Variants in MB21D2 observed in about 807,000 individuals in gnomAD.
MB21D2 encodes nucleotidyltransferase MB21D2.
Under a neutral mutation model 33.3 loss-of-function variants are expected in MB21D2, and 9 were observed. The ratio of observed to expected loss-of-function variants is 0.27; its 90% CI spans 0.16 to 0.47. The LOEUF (loss-of-function observed/expected upper bound fraction) is 0.47, where lower values mean the gene tolerates loss of function less well. MB21D2 is among the 20% of genes least tolerant of loss of function. The probability of loss-of-function intolerance (pLI) is 0.99; values close to 1 mark genes in which losing one functional copy is unlikely to be tolerated. For missense variants in MB21D2, 540 were observed against 624.6 expected, an observed-to-expected ratio of 0.86 and a Z score of 1.44; for synonymous variants, 241 against 236.3, an observed-to-expected ratio of 1.02 and a Z score of -0.18.
chr3:192,856,005 C>T (rs548414008), intron 1 of MB21D2, among the ~76,000 whole-genome samples: 2 of 151,810 alleles, frequency 1.3e-5, no homozygotes, highest in Admixed American at 6.5e-5. Context: ...TGCAGTGAGC[C>T]GAGATCGTAC....
At chr3:192,905,870 T>C (rs946970771) in intron 1 of MB21D2, among the ~76,000 whole-genome samples, 5 of 152,064 alleles carry the variant, frequency 3.3e-5, no homozygotes, top group African/African-American at 9.6e-5. Flanking sequence ...AAGAAAAGTA[T>C]TGTAATATGA....
chr3:192,869,736 A>C (rs945111333), intron 1 of MB21D2, among the ~76,000 whole-genome samples: 1 of 152,194 alleles, frequency 6.6e-6, no homozygotes, highest in Non-Finnish European at 1.5e-5. Context: ...GGAAGGAAGC[A>C]TATCTGCCAT....
intron 1 of MB21D2, among the ~76,000 whole-genome samples, chr3:192,878,108 T>TTG (rs1713479897): frequency 6.8e-6 from 1 of 146,128 alleles, no homozygotes; most frequent in South Asian, 2.1e-4. Context: ...TTTTGGTTTT[T>TTG]TTTGTTTTTG....
At chr3:192,808,813 G>A (rs1711720264) in intron 1 of MB21D2, among the ~76,000 whole-genome samples, 1 of 152,172 alleles carries the variant, frequency 6.6e-6, no homozygotes, top group African/African-American at 2.4e-5. Flanking sequence ...TTCTCATCTG[G>A]CCTACTCTAT....
At chr3:192,879,280 G>A (rs1713508819) in intron 1 of MB21D2, among the ~76,000 whole-genome samples, 3 of 152,356 alleles carry the variant, frequency 2.0e-5, no homozygotes, top group South Asian at 2.1e-4. Flanking sequence ...GACAGCACCT[G>A]TGGCTCTCTT....
intron 1 of MB21D2, among the ~76,000 whole-genome samples, chr3:192,901,631 A>G (rs1239445270): frequency 6.6e-6 from 1 of 152,174 alleles, no homozygotes; most frequent in Non-Finnish European, 1.5e-5. Flanking sequence ...CTCGGAAAGC[A>G]GGAAAGCTGG....
intron 1 of MB21D2, among the ~76,000 whole-genome samples, chr3:192,805,260 AAAG>A (rs1330410282): frequency 6.6e-6 from 1 of 152,202 alleles, no homozygotes; most frequent in Non-Finnish European, 1.5e-5. Context: ...CATTTATCAT[AAAG>A]AAGAATGGGC....
At chr3:192,912,292 CA>C (rs1714374295) in intron 1 of MB21D2, among the ~76,000 whole-genome samples, 3 of 152,252 alleles carry the variant, frequency 2.0e-5, no homozygotes, top group Non-Finnish European at 4.4e-5. Context: ...GATTGGCAAA[CA>C]CTATTACATT....
At chr3:192,814,173 G>T (rs1711857552) in intron 1 of MB21D2, among the ~76,000 whole-genome samples, 2 of 152,214 alleles carry the variant, frequency 1.3e-5, no homozygotes, top group Non-Finnish European at 1.5e-5. Context: ...ATAAGTCTTA[G>T]AAGTATTTCC....
At chr3:192,847,506 C>T (rs1275673771) in intron 1 of MB21D2, among the ~76,000 whole-genome samples, 2 of 152,166 alleles carry the variant, frequency 1.3e-5, no homozygotes, top group African/African-American at 4.8e-5. Flanking sequence ...ATGATCAACT[C>T]ACATGAAACA....
intron 1 of MB21D2, among the ~76,000 whole-genome samples, chr3:192,813,252 A>C (rs1711830799): frequency 6.6e-6 from 1 of 151,762 alleles, no homozygotes; most frequent in Non-Finnish European, 1.5e-5. Flanking sequence ...ATGCATATTC[A>C]GGAGCTCTTT....
At chr3:192,896,497 T>G (rs1253259360) in intron 1 of MB21D2, among the ~76,000 whole-genome samples, 1 of 152,136 alleles carries the variant, frequency 6.6e-6, no homozygotes, top group Non-Finnish European at 1.5e-5. Context: ...GAACAACAGG[T>G]GCATGCCACC....
rs547261438 is a variant in MB21D2 at position 192,917,133 on chromosome 3, C to T, written c.211+497G>A. 2.0e-5 allele frequency among the ~76,000 whole-genome samples: 3 copies of T among 152,326 alleles called. No homozygotes were observed. The East Asian group carries it at 5.8e-4, about 29-fold the overall frequency. On this transcript the variant is annotated intron_variant, in intron 1 of 1. Transcript: ENST00000392452. Reference sequence around the variant, plus strand: ...GGCATGACAGCGCCGCGCCGCGAGACGACAGAAGCAACTTGTCGCTCGGGC... The same window carrying T: ...GGCATGACAGCGCCGCGCCGCGAGATGACAGAAGCAACTTGTCGCTCGGGC...
At chr3:192,899,255 G>A (rs181416136) in intron 1 of MB21D2, among the ~76,000 whole-genome samples, 24 of 152,250 alleles carry the variant, frequency 1.6e-4, no homozygotes, top group African/African-American at 5.3e-4. Flanking sequence ...ACAGCCAGGC[G>A]CGGTGGCTCA....
chr3:192,812,686 A>C (rs1711814585), intron 1 of MB21D2, among the ~76,000 whole-genome samples: 1 of 152,158 alleles, frequency 6.6e-6, no homozygotes, highest in Non-Finnish European at 1.5e-5. Flanking sequence ...GTAACTACAC[A>C]GACACGTCTC....
intron 1 of MB21D2, among the ~76,000 whole-genome samples, chr3:192,887,699 T>A (rs1381489223): frequency 6.6e-6 from 1 of 152,052 alleles, no homozygotes; most frequent in Non-Finnish European, 1.5e-5. Flanking sequence ...ACAAAAAATA[T>A]TTTTTCCCTT....
At chr3:192,913,369 G>C (rs1174714352) in intron 1 of MB21D2, among the ~76,000 whole-genome samples, 1 of 152,182 alleles carries the variant, frequency 6.6e-6, no homozygotes, top group East Asian at 1.9e-4. Flanking sequence ...CTGCACTCTA[G>C]CCTAGGTGAC....
chr3:192,889,200 A>G (rs1032776225), intron 1 of MB21D2, among the ~76,000 whole-genome samples: 3 of 152,162 alleles, frequency 2.0e-5, no homozygotes, highest in Admixed American at 6.5e-5. Flanking sequence ...CCCTTCTGAC[A>G]AAAGGGTTAA....
chr3:192,883,350 T>C (rs934763015), intron 1 of MB21D2, among the ~76,000 whole-genome samples: 1 of 152,134 alleles, frequency 6.6e-6, no homozygotes. Context: ...TAAAACTTTT[T>C]AAAAATTATC....
Sources: allele counts gnomAD v4.1 joint callset (sites outside exome capture counted in the v4.1 genomes callset), GRCh38; gene constraint gnomAD v4.1.1; transcripts MANE v1.5; gene names NCBI Gene and HGNC (gene_info 2026-07-23, HGNC 2026-07-21).